The following CCR6 variants were observed in gnomAD, a reference collection of about 807,000 sequenced individuals.
The protein encoded by CCR6 is C-C motif chemokine receptor 6, also known as C-C chemokine receptor type 6.
CCR6 carries 2 observed loss-of-function variants against 3.0 expected under a neutral mutation model. That is an observed-to-expected ratio of 0.66 (90% confidence interval 0.27 to 2.07). The LOEUF (loss-of-function observed/expected upper bound fraction) is 2.07, where lower values mean the gene tolerates loss of function less well. CCR6 is among the 30% of genes most tolerant of loss of function. CCR6 has a pLI of 0.14. For synonymous variants in CCR6, 193 were observed against 184.3 expected (o/e 1.05, Z -0.38); for missense variants, 322 against 462.8 (o/e 0.70, Z 2.79).
Position 167,137,280 on chromosome 6 carries a change from G to C in CCR6, c.1050G>C (p.Gly350=), listed in dbSNP as rs762816359. 6 of 1,614,050 alleles carry C rather than the reference G, an allele frequency of 3.7e-6. No individual in the cohort carries two copies. The highest frequency in any genetic ancestry group is 5.1e-6 in the Non-Finnish European group (6 of 1,180,034). The part of the protein sequence containing the change: ...KYKSSGFSCA[G]RYSENISRQT... The stretch of plus-strand genomic sequence containing the variant: ...AGTCCTCAGGCTTCTCCTGTGCCGG[G>C]AGGTACTCAGAAAACATTTCTCGGC... Residue 350 remains glycine, a synonymous_variant, in exon 3 of 3, where the codon GGG becomes GGC. Coordinates refer to ENST00000341935, the MANE Select transcript of CCR6 (RefSeq NM_031409.4). This position sits in a 1 kb window ranked among gnomAD's most constrained non-coding sequence, Gnocchi z 4.6.
upstream of CCR6, chr6:167,119,408 C>A (rs1310541067): frequency 1.3e-5 from 2 of 152,234 alleles, no homozygotes; most frequent in Non-Finnish European, 2.9e-5. Flanking sequence ...ATATGAGTTC[C>A]CAAAAGGTGG....
At chr6:167,122,893 G>A (rs993164651), upstream of CCR6, 1 of 152,320 alleles carries the variant, frequency 6.6e-6, no homozygotes, top group Admixed American at 6.5e-5. This position sits in a 1 kb window ranked among gnomAD's most constrained non-coding sequence, Gnocchi z 4.2. Context: ...CCATGCAAAG[G>A]CTGTCTTCCT....
rs752140862 is a variant in CCR6 at position 167,136,378 on chromosome 6, C to T, written c.148C>T (p.Pro50Ser). 2.9e-5 allele frequency: 47 copies of T among 1,614,062 alleles called. No individual in the cohort carries two copies. Among genetic ancestry groups the T allele is most frequent in the Non-Finnish European group, 4.0e-5 (47 of 1,180,034 alleles). Residue 50 changes from proline (P) to serine (S), a missense_variant, in exon 3 of 3, where the codon CCG (proline) becomes TCG (serine). Transcript: ENST00000341935. The surrounding 1 kb of genome is among the most constrained non-coding windows in gnomAD (Gnocchi z 4.6). ...CAGGCAGTTCTCCAGGCTATTTGTA[C>T]CGATTGCCTACTCCTTGATCTGTGT... Reference protein sequence around the residue: ...EVRQFSRLFVPIAYSLICVFG... With the variant: ...EVRQFSRLFVSIAYSLICVFG...
intron 1 of CCR6, among the ~76,000 whole-genome samples, chr6:167,112,951 A>C (rs980996824): frequency 1.3e-4 from 20 of 152,018 alleles, no homozygotes; most frequent in Admixed American, 1.0e-3. Flanking sequence ...ACCAGTGACA[A>C]TCAGTTTCAC....
In CCR6 at chr6:167,117,456, G is replaced by A. The variant is rs538340799; in HGVS notation, c.-98+5442G>A. Among the ~76,000 whole-genome samples, 251 of 118,260 alleles carry A rather than the reference G, an allele frequency of 2.1e-3. 1 individual carries two copies. Among genetic ancestry groups the A allele is most frequent in the Non-Finnish European group, 1.7e-3 (107 of 62,248 alleles). 77.6% of individuals were successfully genotyped at this position (118,260 alleles called of 152,430 possible). On this transcript the variant is annotated intron_variant, in intron 1 of 2. Transcript: ENST00000400926. Reference sequence around the variant, plus strand: ...TTTTGAGACGGAGTTTCGCTCTGTCGCCCAGGCTGGAGCGCAGTGGCACGA... The same window carrying A: ...TTTTGAGACGGAGTTTCGCTCTGTCACCCAGGCTGGAGCGCAGTGGCACGA...
In CCR6 at chr6:167,124,799, G is replaced by GCACA. The variant is rs3836950; in HGVS notation, c.-98+1591_-98+1594dup. Reference sequence around the variant, plus strand: ...AGAACTTAATTTACAGCATATGCGCGCACACACACACACACACATATGCGT... The same window carrying GCACA: ...AGAACTTAATTTACAGCATATGCGCGCACACACACACACACACACACATATGCGT... On this transcript the variant is annotated intron_variant, in intron 1 of 2. Coordinates refer to ENST00000341935, the MANE Select transcript of CCR6 (RefSeq NM_031409.4). 3.8e-3 allele frequency among the ~76,000 whole-genome samples: 571 copies of GCACA among 150,502 alleles called. 6 individuals carry two copies. The highest frequency in any genetic ancestry group is 0.011 in the East Asian group (57 of 5,140).
chr6:167,125,614 G>C (rs952417157), intron 1 of CCR6, among the ~76,000 whole-genome samples: 4 of 152,216 alleles, frequency 2.6e-5, no homozygotes, highest in Non-Finnish European at 4.4e-5. Context: ...TGAAGGCCGG[G>C]GGGAGATGAG....
intron 1 of CCR6, among the ~76,000 whole-genome samples, chr6:167,135,565 G>A (rs1024164957): frequency 6.6e-6 from 1 of 152,196 alleles, no homozygotes; most frequent in Non-Finnish European, 1.5e-5. Flanking sequence ...TTTAAAGCCC[G>A]GGACTATGAA....
At chr6:167,130,633 T>C (rs1781738268) in intron 1 of CCR6, among the ~76,000 whole-genome samples, 3 of 151,852 alleles carry the variant, frequency 2.0e-5, no homozygotes, top group Non-Finnish European at 2.9e-5. Flanking sequence ...CAGGTGAACC[T>C]GACAACCACC....
At chr6:167,128,341 C>T (rs1393950575) in intron 1 of CCR6, among the ~76,000 whole-genome samples, 1 of 152,224 alleles carries the variant, frequency 6.6e-6, no homozygotes, top group Non-Finnish European at 1.5e-5. Context: ...CCCCTGTGTC[C>T]GGTGCCTCCG....
At chr6:167,119,685 C>T (rs921015220), upstream of CCR6, among the ~76,000 whole-genome samples, 2 of 152,210 alleles carry the variant, frequency 1.3e-5, no homozygotes, top group African/African-American at 2.4e-5. Flanking sequence ...GTCAGCACAG[C>T]TTGTACTTCC....
intron 1 of CCR6, among the ~76,000 whole-genome samples, chr6:167,114,138 A>G (rs1300605037): frequency 6.6e-6 from 1 of 152,174 alleles, no homozygotes; most frequent in Non-Finnish European, 1.5e-5. Flanking sequence ...CGCATGACCT[A>G]GAGCTGGGTG....
rs545588880 is a variant in CCR6 at position 167,136,274 on chromosome 6, G to A, written c.44G>A (p.Ser15Asn). ...AATTTCAGCGATGTTTTCGACTCCA[G>A]TGAAGATTATTTTGTGTCAGTCAAT... ...SMNFSDVFDS[S>N]EDYFVSVNTS... Residue 15 changes from serine to asparagine, a missense_variant, in exon 3 of 3, where the codon AGT (serine) becomes AAT (asparagine). Ser to Asn is a conservative substitution (Grantham distance 46). Coordinates refer to ENST00000341935, the MANE Select transcript of CCR6 (RefSeq NM_031409.4). The surrounding 1 kb of genome is among the most constrained non-coding windows in gnomAD (Gnocchi z 4.6). 1 of 1,608,856 alleles carries A rather than the reference G, an allele frequency of 6.2e-7. No individual in the cohort carries two copies. Among genetic ancestry groups the A allele is most frequent in the African/African-American group, 1.3e-5 (1 of 74,868 alleles).
At chr6:167,133,311 A>G (rs1242820828) in intron 1 of CCR6, among the ~76,000 whole-genome samples, 1 of 152,232 alleles carries the variant, frequency 6.6e-6, no homozygotes, top group Non-Finnish European at 1.5e-5. Context: ...GGTAAGCAGT[A>G]AGGATCGACT....
intron 1 of CCR6, among the ~76,000 whole-genome samples, chr6:167,124,917 T>G (rs893283641): frequency 6.6e-6 from 1 of 151,940 alleles, no homozygotes; most frequent in East Asian, 1.9e-4. Flanking sequence ...TATGTATACA[T>G]GCAGGCACCA....
intron 1 of CCR6, among the ~76,000 whole-genome samples, chr6:167,130,986 TG>T (rs1371941354): frequency 0.044 from 4,658 of 104,734 alleles, 440 homozygotes; most frequent in African/African-American, 0.18. Context: ...ACCCTCCCTC[TG>T]GACCCCCTCC....
intron 1 of CCR6, chr6:167,115,781 G>T (rs1403968733): frequency 6.6e-6 from 1 of 152,200 alleles, no homozygotes; most frequent in African/African-American, 2.4e-5. Context: ...AGTACAAAGA[G>T]AATTTTTTAA....
chr6:167,117,618 TGTCAGCCAGGA>T (rs1781521094), intron 1 of CCR6, among the ~76,000 whole-genome samples: 1 of 151,572 alleles, frequency 6.6e-6, no homozygotes, highest in Non-Finnish European at 1.5e-5. Context: ...GGTTTCACCG[TGTCAGCCAGGA>T]TGGTCTCGAT....
rs41510645 is a variant in CCR6 at position 167,136,707 on chromosome 6, A to G, written c.477A>G (p.Arg159=). 15,690 of 1,614,092 alleles carry G rather than the reference A, an allele frequency of 9.7e-3. 105 individuals are homozygous for G. Among genetic ancestry groups the G allele is most frequent in the Non-Finnish European group, 0.011 (13,557 of 1,180,030 alleles). ...CTAAGTCATTCCGGCTCCGATCCAG[A>G]ACACTACCGCGCAGCAAAATCATCT... The part of the protein sequence containing the change: ...QATKSFRLRS[R]TLPRSKIICL... The change falls in exon 3 of 3, where the codon AGA becomes AGG. Residue 159 remains arginine, a synonymous_variant. Coordinates refer to ENST00000341935, the MANE Select transcript of CCR6 (RefSeq NM_031409.4). The surrounding 1 kb of genome is among the most constrained non-coding windows in gnomAD (Gnocchi z 4.6).
Sources: gnomAD v4.1 joint callset for allele counts (sites outside exome capture counted in the v4.1 genomes callset) on GRCh38, gnomAD v4.1.1 for gene constraint, Gnocchi (gnomAD v3.1) non-coding constraint, MANE v1.5 for transcripts, NCBI Gene and HGNC (gene_info 2026-07-23, HGNC 2026-07-21) for gene names.